The following TMEM131L variants were observed in gnomAD, a reference collection of about 807,000 sequenced individuals.
TMEM131L encodes the protein transmembrane 131 like, also known as transmembrane protein 131-like.
In TMEM131L, 54 loss-of-function variants were observed where a neutral mutation model predicts 192.2. That is an observed-to-expected ratio of 0.28 (90% CI 0.23 to 0.35). The LOEUF (loss-of-function observed/expected upper bound fraction) is 0.35. Among genes scored for constraint, TMEM131L ranks in the 10% least tolerant of loss-of-function variants. The pLI is 1.00. For synonymous variants in TMEM131L, 701 were observed against 704.9 expected (o/e 0.99, Z 0.09); for missense variants, 1,888 against 1,972.9 (o/e 0.96, Z 0.82).
chr4:153,541,376 T>TG (rs1380507696), intron 3 of TMEM131L, among the ~76,000 whole-genome samples: 32 of 152,268 alleles, frequency 2.1e-4, no homozygotes, highest in Non-Finnish European at 3.5e-4. Flanking sequence ...TCATGGAATG[T>TG]GGGGGTGAGG....
chr4:153,602,460 G>A (rs1183419638), intron 22 of TMEM131L, 82 bp from the exon 23 acceptor site: 2 of 1,525,980 alleles, frequency 1.3e-6, no homozygotes, highest in Admixed American at 3.5e-5. Context: ...TTTTGTAGGA[G>A]TATGATGTGT....
chr4:153,542,885 AC>A (rs1164573104), intron 3 of TMEM131L, among the ~76,000 whole-genome samples: 2 of 152,150 alleles, frequency 1.3e-5, no homozygotes, highest in Admixed American at 1.3e-4. Context: ...AGTCTGACAG[AC>A]GCAATGTCTC....
At chr4:153,627,856 G>C (rs1031025376) in intron 31 of TMEM131L, among the ~76,000 whole-genome samples, 169 bp downstream of exon 31, 15 of 152,202 alleles carry the variant, frequency 9.9e-5, no homozygotes, top group Non-Finnish European at 1.5e-5. Context: ...CCTACTCTGT[G>C]GACGGGCATC....
intron 3 of TMEM131L, among the ~76,000 whole-genome samples, chr4:153,539,492 ATTTTTT>A (rs750436196): frequency 1.6e-4 from 18 of 110,816 alleles, no homozygotes; most frequent in Admixed American, 8.1e-4. Flanking sequence ...CAGAGGCTAG[ATTTTTT>A]TTTTTTTTTT....
At chr4:153,502,368 G>C (rs1288720945) in intron 3 of TMEM131L, among the ~76,000 whole-genome samples, 1 of 152,154 alleles carries the variant, frequency 6.6e-6, no homozygotes, top group Non-Finnish European at 1.5e-5. Flanking sequence ...TCTTCTTAAG[G>C]AGGACAGGAA....
intron 31 of TMEM131L, among the ~76,000 whole-genome samples, chr4:153,632,130 T>C (rs1734253306): frequency 6.6e-6 from 1 of 152,174 alleles, no homozygotes; most frequent in Non-Finnish European, 1.5e-5. Context: ...CTGGTCAACA[T>C]GGTGAAACCC....
chr4:153,536,218 C>CAG (rs1487994004), intron 3 of TMEM131L, among the ~76,000 whole-genome samples: 2 of 152,068 alleles, frequency 1.3e-5, no homozygotes, highest in Non-Finnish European at 2.9e-5. Context: ...GCTGATGGGG[C>CAG]AGAGGGAGTG....
intron 2 of TMEM131L, among the ~76,000 whole-genome samples, 182 bp from the exon 3 acceptor site, chr4:153,473,663 G>C (rs1731314795): frequency 6.6e-6 from 1 of 152,180 alleles, no homozygotes; most frequent in South Asian, 2.1e-4. Flanking sequence ...GTGGTGGCAT[G>C]TGCCTATAGT....
At chr4:153,629,727 G>T (rs1734087191) in intron 31 of TMEM131L, among the ~76,000 whole-genome samples, 1 of 152,128 alleles carries the variant, frequency 6.6e-6, no homozygotes, top group African/African-American at 2.4e-5. Context: ...AGTCTTTTCA[G>T]TCCCCATATT....
At chr4:153,592,400 G>A (rs1731134913) in intron 17 of TMEM131L, 75 bp from the exon 18 acceptor site, 1 of 938,862 alleles carries the variant, frequency 1.1e-6, no homozygotes, top group South Asian at 1.3e-5. Flanking sequence ...ATTAGGTTAT[G>A]CTTTTTGGCC....
At chr4:153,608,343 C>T (rs949933830) in intron 25 of TMEM131L, among the ~76,000 whole-genome samples, 5 of 152,134 alleles carry the variant, frequency 3.3e-5, no homozygotes, top group African/African-American at 4.8e-5. Context: ...ATTCGTTATA[C>T]GTTCCAGAAC....
In TMEM131L at chr4:153,583,687, A is replaced by G; in HGVS notation, c.1060+15A>G. The G allele has an allele frequency of 7.1e-7, 1 of 1,405,976 alleles. No individual in the cohort carries two copies. Among genetic ancestry groups the G allele is most frequent in the Non-Finnish European group, 1.0e-6 (1 of 1,002,644 alleles). The allele number at this position is 1,405,976 out of a possible 1,614,324, so 87.1% of individuals were successfully genotyped here. The stretch of plus-strand genomic sequence containing the variant: ...TACCTGCAAAGGTACAGATTTTTAA[A>G]CAGATTGTCATTTGACTTTTGTTAT... On this transcript the variant is annotated intron_variant, in intron 11 of 34. Transcript: ENST00000409959.
At chr4:153,596,180 T>G in intron 19 of TMEM131L, 78 bp from the exon 20 acceptor site, 2 of 1,527,394 alleles carry the variant, frequency 1.3e-6, no homozygotes, top group Non-Finnish European at 1.8e-6. Context: ...CAATCGTGTT[T>G]AAACTCTAGG....
chr4:153,572,276 T>C (rs1454698458), intron 7 of TMEM131L, among the ~76,000 whole-genome samples: 1 of 152,188 alleles, frequency 6.6e-6, no homozygotes, highest in Non-Finnish European at 1.5e-5. Context: ...TCATTCTGTC[T>C]GTCTAGCTGT....
chr4:153,509,081 A>G (rs1043406744), intron 3 of TMEM131L, among the ~76,000 whole-genome samples: 2 of 152,194 alleles, frequency 1.3e-5, no homozygotes, highest in African/African-American at 4.8e-5. Flanking sequence ...GTGGTGGCTC[A>G]TACCTGTTAT....
chr4:153,478,251 A>G (rs1183660170), intron 3 of TMEM131L, among the ~76,000 whole-genome samples: 1 of 152,156 alleles, frequency 6.6e-6, no homozygotes, highest in Non-Finnish European at 1.5e-5. Flanking sequence ...CAGATTCTGA[A>G]GCTGTCTCCA....
Position 153,526,503 on chromosome 4 carries a change from G to A in TMEM131L, c.240-23570G>A, listed in dbSNP as rs146510415. Reference sequence around the variant, plus strand: ...TAATCCTAGCACTTTGGGAGTCCGAGGCAGGTGGATCACGAGGTCAGGAGA... The same window carrying A: ...TAATCCTAGCACTTTGGGAGTCCGAAGCAGGTGGATCACGAGGTCAGGAGA... On this transcript the variant is annotated intron_variant, in intron 3 of 34. Coordinates refer to ENST00000409959, the MANE Select transcript of TMEM131L (RefSeq NM_001131007.2). Among the ~76,000 whole-genome samples, 1,054 of 152,180 alleles carry A rather than the reference G, an allele frequency of 6.9e-3. 17 individuals carry two copies. The highest frequency in any genetic ancestry group is 0.024 in the African/African-American group (995 of 41,508).
At chr4:153,611,148 C>G (rs1451685924) in intron 25 of TMEM131L, among the ~76,000 whole-genome samples, 1 of 152,238 alleles carries the variant, frequency 6.6e-6, no homozygotes, top group African/African-American at 2.4e-5. Context: ...CTGTTGGCTC[C>G]TCTGCCGATT....
intron 7 of TMEM131L, among the ~76,000 whole-genome samples, chr4:153,576,782 GT>G: frequency 6.6e-6 from 1 of 151,498 alleles, no homozygotes; most frequent in Non-Finnish European, 1.5e-5. Flanking sequence ...ACACTGTTAG[GT>G]TTTTATTCTT....
Sources: gnomAD v4.1 joint callset for allele counts (sites outside exome capture counted in the v4.1 genomes callset) on GRCh38, gnomAD v4.1.1 for gene constraint, MANE v1.5 for transcripts, NCBI Gene and HGNC (gene_info 2026-07-23, HGNC 2026-07-21) for gene names.